PLXNA4: variants seen among roughly 807,000 people sequenced by gnomAD.
The protein encoded by PLXNA4 is plexin-A4.
In PLXNA4, 44 loss-of-function variants were observed where a neutral mutation model predicts 191.8. That is an observed-to-expected ratio of 0.23 (90% CI 0.18 to 0.29). The LOEUF (loss-of-function observed/expected upper bound fraction) is 0.29, where lower values mean the gene tolerates loss of function less well. Ranked by LOEUF, PLXNA4 falls within the 10% of genes least tolerant of loss-of-function variation. The pLI, the probability that PLXNA4 is intolerant of heterozygous loss-of-function variation, is 1.00. For missense variants in PLXNA4, 1,800 were observed against 2,488.8 expected, an observed-to-expected ratio of 0.72 and a Z score of 5.89; for synonymous variants, 1,082 against 1,009.5, an observed-to-expected ratio of 1.07 and a Z score of -1.36.
intron 3 of PLXNA4, among the ~76,000 whole-genome samples, chr7:132,330,477 C>T (rs552531020): frequency 3.9e-5 from 6 of 152,308 alleles, no homozygotes; most frequent in African/African-American, 1.2e-4. Flanking sequence ...GGTCCTCAAG[C>T]CTTAAAAATA....
intron 2 of PLXNA4, among the ~76,000 whole-genome samples, chr7:132,601,847 GA>G (rs1802827132): frequency 6.6e-6 from 1 of 152,204 alleles, no homozygotes; most frequent in African/African-American, 2.4e-5. Context: ...ATCCTTTTCT[GA>G]AAGATGTCCT....
At chr7:132,234,770 TG>T (rs945067145) in intron 5 of PLXNA4, among the ~76,000 whole-genome samples, 2 of 152,214 alleles carry the variant, frequency 1.3e-5, no homozygotes, top group Admixed American at 6.5e-5. Flanking sequence ...CTCATTTCTT[TG>T]GAACAGAGGC....
rs1268850336 is a variant in PLXNA4, at chr7:132,484,998, G to A, written c.1371+4294C>T. 2.5e-6 allele frequency: 4 copies of A among 1,614,082 alleles called. No homozygotes were observed. The South Asian group carries it at 4.4e-5, about 18-fold the overall frequency. On this transcript the variant is annotated intron_variant, in intron 3 of 31. Transcript: ENST00000321063. The stretch of plus-strand genomic sequence containing the variant: ...CACTCCTGGGTGATTCCCCCTTGTG[G>A]ACCTGTGCCGAAGGACTAGGGAACA...
chr7:132,326,605 C>T (rs1158159212), intron 3 of PLXNA4, among the ~76,000 whole-genome samples: 2 of 152,186 alleles, frequency 1.3e-5, no homozygotes, highest in African/African-American at 4.8e-5. Flanking sequence ...CTCGGAGAAC[C>T]TCACAAGGCT....
intron 3 of PLXNA4, among the ~76,000 whole-genome samples, chr7:132,363,718 G>A (rs149755959): frequency 1.2e-4 from 18 of 152,318 alleles, no homozygotes; most frequent in East Asian, 5.8e-4. Context: ...AAGTGTAACC[G>A]CTGGATCATA....
intron 9 of PLXNA4, among the ~76,000 whole-genome samples, chr7:132,216,043 T>C (rs1797952780): frequency 6.6e-6 from 1 of 152,176 alleles, no homozygotes; most frequent in African/African-American, 2.4e-5. Context: ...AGATTTGCAA[T>C]TGGCATCTGA....
intron 31 of PLXNA4, 106 bp from the exon 32 acceptor site, chr7:132,130,680 C>T (rs563875609): frequency 2.6e-6 from 4 of 1,521,758 alleles, no homozygotes; most frequent in Non-Finnish European, 3.6e-6. Context: ...CGGGAAGCCA[C>T]AGGCATGTGC....
chr7:132,630,180 T>C (rs1163431600), intron 2 of PLXNA4, among the ~76,000 whole-genome samples: 1 of 152,156 alleles, frequency 6.6e-6, no homozygotes, highest in Non-Finnish European at 1.5e-5. Context: ...CCAGTAATCC[T>C]ATCAGATTAG....
rs1328365896 is a variant in PLXNA4 at position 132,125,321 on chromosome 7, A to AAAG, written c.*5155_*5157dup. On this transcript the variant is annotated 3_prime_UTR_variant, in exon 32 of 32. Coordinates refer to ENST00000321063, the MANE Select transcript of PLXNA4 (RefSeq NM_020911.2). ...GGTAGGAGAAGGACTCCATCTGTCA[A>AAAG]AAGTGTGGGGAAGCACCAGGAATAG... The AAAG allele has an allele frequency of 6.6e-6, 1 of 152,224 alleles. No individual in the cohort carries two copies. Among genetic ancestry groups the AAAG allele is most frequent in the Non-Finnish European group, 1.5e-5 (1 of 68,084 alleles). 9.4% of individuals were successfully genotyped at this position (152,224 alleles called of 1,614,324 possible).
intron 2 of PLXNA4, among the ~76,000 whole-genome samples, chr7:132,617,050 G>A (rs546818207): frequency 4.7e-4 from 72 of 152,290 alleles, no homozygotes; most frequent in Non-Finnish European, 7.5e-4. Flanking sequence ...TGGTCATCCA[G>A]GTTGACTTGA....
At chr7:132,290,330 C>T (rs1272057955) in intron 4 of PLXNA4, among the ~76,000 whole-genome samples, 2 of 152,202 alleles carry the variant, frequency 1.3e-5, no homozygotes, top group Non-Finnish European at 2.9e-5. Flanking sequence ...CTGCCACTTC[C>T]TCTGGGTCTA....
chr7:132,451,588 G>A (rs1796126403), intron 3 of PLXNA4, among the ~76,000 whole-genome samples: 1 of 152,238 alleles, frequency 6.6e-6, no homozygotes, highest in Non-Finnish European at 1.5e-5. Context: ...CCTTTGTGGG[G>A]TCTCCTGTAC....
chr7:132,396,550 G>A (rs1404291913), intron 3 of PLXNA4, among the ~76,000 whole-genome samples: 1 of 152,126 alleles, frequency 6.6e-6, no homozygotes, highest in Non-Finnish European at 1.5e-5. Flanking sequence ...GAGTGCAGTG[G>A]CACAATCTCA....
intron 1 of PLXNA4, among the ~76,000 whole-genome samples, chr7:132,561,525 CCTCCTCCTT>C (rs1801067220): frequency 2.6e-5 from 3 of 117,260 alleles, no homozygotes; most frequent in African/African-American, 4.0e-5. Context: ...TCCTTCTCCT[CCTCCTCCTT>C]CTCCTCCTCC....
intron 2 of PLXNA4, among the ~76,000 whole-genome samples, chr7:132,605,254 G>A (rs1016905445): frequency 6.6e-6 from 1 of 152,222 alleles, no homozygotes; most frequent in African/African-American, 2.4e-5. Flanking sequence ...GGTGTGCCAA[G>A]GCCATGCACT....
intron 10 of PLXNA4, among the ~76,000 whole-genome samples, chr7:132,210,548 G>C (rs1797763219): frequency 6.6e-6 from 1 of 152,192 alleles, no homozygotes; most frequent in African/African-American, 2.4e-5. Context: ...GATGTCTTTG[G>C]GGCTTGTTGA....
Position 132,490,423 on chromosome 7 carries a change from C to CTTT in PLXNA4, c.1189-952_1189-950dup, listed in dbSNP as rs35467841. Among the ~76,000 whole-genome samples the CTTT allele has an allele frequency of 1.8e-3, 194 of 110,506 alleles. 5 individuals carry two copies. The highest frequency in any genetic ancestry group is 2.4e-3 in the Non-Finnish European group (145 of 59,430). 72.5% of individuals were successfully genotyped at this position (110,506 alleles called of 152,430 possible). A position where few individuals can be genotyped will look rare whatever the true frequency, so the allele number is the denominator to read the frequency against. On this transcript the variant is annotated intron_variant, in intron 2 of 31. Coordinates refer to ENST00000321063, the MANE Select transcript of PLXNA4 (RefSeq NM_020911.2). The stretch of plus-strand genomic sequence containing the variant: ...ATTTTATTCACTGAACCTTTTCTTC[C>CTTT]TTTTTTTTTTTTTTTTTTTTGAGAC...
intron 1 of PLXNA4, among the ~76,000 whole-genome samples, chr7:132,512,933 AG>A (rs1340416806): frequency 6.6e-6 from 1 of 152,238 alleles, no homozygotes; most frequent in Non-Finnish European, 1.5e-5. Context: ...TGATTCTTAA[AG>A]GCAAGTAATG....
chr7:132,351,756 G>A (rs1408937153), intron 3 of PLXNA4, among the ~76,000 whole-genome samples: 1 of 152,164 alleles, frequency 6.6e-6, no homozygotes, highest in African/African-American at 2.4e-5. Context: ...TTAGGTAGCA[G>A]GTACCAGGCC....
Sources: allele counts gnomAD v4.1 joint callset (sites outside exome capture counted in the v4.1 genomes callset), GRCh38; gene constraint gnomAD v4.1.1; transcripts MANE v1.5; gene names NCBI Gene and HGNC (gene_info 2026-07-23, HGNC 2026-07-21).